PRRT3: variants seen among roughly 807,000 people sequenced by gnomAD.
PRRT3 encodes proline-rich transmembrane protein 3.
PRRT3 carries 48 observed loss-of-function variants against 56.6 expected under a neutral mutation model. That is an observed-to-expected ratio of 0.85 (90% CI 0.67 to 1.08). The LOEUF (loss-of-function observed/expected upper bound fraction) is 1.08. Among genes scored for constraint, PRRT3 ranks in the 50% least tolerant of loss-of-function variants. The pLI, the probability that PRRT3 is intolerant of heterozygous loss-of-function variation, is 0.00. For missense variants in PRRT3, 1,370 were observed against 1,353.1 expected (o/e 1.01, Z -0.20); for synonymous variants, 641 against 619.1 (o/e 1.04, Z -0.52).
At position 9,947,618 on chromosome 3, in the gene PRRT3, C is replaced by T. The variant is rs1056153244; in HGVS notation, c.1555G>A (p.Ala519Thr). 27 of 1,585,732 alleles carry T rather than the reference C, an allele frequency of 1.7e-5. No individual in the cohort carries two copies. The highest frequency in any genetic ancestry group is 2.2e-5 in the Non-Finnish European group (26 of 1,165,780). Reference protein sequence around the residue: ...LVLVASALRSAYMLTDPYGSQ... With the variant: ...LVLVASALRSTYMLTDPYGSQ... ...CCGTAAGGGTCGGTAAGCATGTAGG[C>T]GGATCGCAGCGCCGAAGCCACGAGC... The change falls in exon 4 of 4, where the codon GCC becomes ACC. Residue 519 changes from alanine to threonine, a missense_variant. Coordinates refer to ENST00000412055, the MANE Select transcript of PRRT3 (RefSeq NM_207351.5). The surrounding 1 kb of genome is among the most constrained non-coding windows in gnomAD (Gnocchi z 9.2).
At position 9,950,100 on chromosome 3, in the gene PRRT3, A is replaced by G. The variant is rs955716388; in HGVS notation, c.16T>C (p.Trp6Arg). ...AGCAGAAGGCCACATACACAGCCCC[A>G]TGGGCTGGAGGCCATGGTCTACTCC... The part of the protein sequence containing the change: MASSP[W>R]GCVCGLLLLL... The change falls in exon 2 of 4, where the codon TGG (tryptophan) becomes CGG (arginine). Residue 6 changes from tryptophan to arginine, a missense_variant. Trp to Arg is a moderately radical substitution (Grantham distance 101). Coordinates refer to ENST00000412055, the MANE Select transcript of PRRT3 (RefSeq NM_207351.5). 2 of 1,488,716 alleles carry G rather than the reference A, an allele frequency of 1.3e-6. No individual in the cohort carries two copies. Among genetic ancestry groups the G allele is most frequent in the Non-Finnish European group, 1.8e-6 (2 of 1,120,450 alleles). 92.2% of individuals were successfully genotyped at this position (1,488,716 alleles called of 1,614,324 possible). A position where few individuals can be genotyped will look rare whatever the true frequency, so the allele number is the denominator to read the frequency against.
rs1056951124 is a variant in PRRT3 at position 9,946,029 on chromosome 3, G to A, written c.*198C>T. 1.2e-5 allele frequency: 9 copies of A among 759,394 alleles called. No homozygotes were observed. The East Asian group carries it at 2.5e-4, about 21-fold the overall frequency. 47.0% of individuals were successfully genotyped at this position (759,394 alleles called of 1,614,324 possible). A position where few individuals can be genotyped will look rare whatever the true frequency, so the allele number is the denominator to read the frequency against. ...TATTTTTAGTAGAGACGAGGGTTTCGCTATGTTCGAGACCAGGAGGCTGAT... is the reference window on the plus strand; with the variant it reads ...TATTTTTAGTAGAGACGAGGGTTTCACTATGTTCGAGACCAGGAGGCTGAT... On this transcript the variant is annotated 3_prime_UTR_variant, in exon 4 of 4. Transcript: ENST00000412055. The surrounding 1 kb of genome is among the most constrained non-coding windows in gnomAD (Gnocchi z 4.1).
chr3:9,951,535 C>T (rs1459673981), intron 1 of PRRT3, among the ~76,000 whole-genome samples: 1 of 152,218 alleles, frequency 6.6e-6, no homozygotes, highest in East Asian at 1.9e-4. Flanking sequence ...CTTGTTAGTT[C>T]ATTTCTCAAA....
chr3:9,946,192 C>T lies in PRRT3; in HGVS notation c.*35G>A, dbSNP rs773620243. The T allele has an allele frequency of 2.0e-5, 32 of 1,586,738 alleles. No homozygotes were observed. Among genetic ancestry groups the T allele is most frequent in the Non-Finnish European group, 2.7e-5 (31 of 1,165,904 alleles). Reference sequence around the variant, plus strand: ...CCAGTAGGCCATGCCATGTGGGCATCGGGCAGGGTCCTGGCCCTGCGTCAG... The same window carrying T: ...CCAGTAGGCCATGCCATGTGGGCATTGGGCAGGGTCCTGGCCCTGCGTCAG... On this transcript the variant is annotated 3_prime_UTR_variant, in exon 4 of 4. Coordinates refer to ENST00000412055, the MANE Select transcript of PRRT3 (RefSeq NM_207351.5). This position sits in a 1 kb window ranked among gnomAD's most constrained non-coding sequence, Gnocchi z 4.1.
rs2085537613 is a variant in PRRT3, at chr3:9,947,057, G to A, written c.2116C>T (p.Pro706Ser). Residue 706 changes from proline (P) to serine (S), a missense_variant, in exon 4 of 4, where the codon CCC becomes TCC. Pro to Ser is a moderately conservative substitution (Grantham distance 74). Transcript: ENST00000412055. The surrounding 1 kb of genome is among the most constrained non-coding windows in gnomAD (Gnocchi z 9.2). ...AAVAAARPRP[P>S]TEHACWAKLM... ...TTAGCCCAGCAAGCGTGCTCCGTGG[G>A]CGGCCTGGGTCTCGCGGCAGCCACC... 2.6e-6 allele frequency: 4 copies of A among 1,534,612 alleles called. No individual in the cohort carries two copies. The South Asian group carries it at 3.6e-5, about 14-fold the overall frequency.
In PRRT3 at chr3:9,946,498, G is replaced by T. The variant is rs1206327785; in HGVS notation, c.2675C>A (p.Pro892His). Residue 892 changes from proline to histidine, a missense_variant, in exon 4 of 4, where the codon CCC becomes CAC. Coordinates refer to ENST00000412055, the MANE Select transcript of PRRT3 (RefSeq NM_207351.5). This position sits in a 1 kb window ranked among gnomAD's most constrained non-coding sequence, Gnocchi z 4.1. ...GPVPQHVVEAPDGAAAAASGS... is the reference protein window; with the variant it reads ...GPVPQHVVEAHDGAAAAASGS... ...AGAAGCCGCAGCGGCTGCCCCGTCG[G>T]GTGCTTCCACTACGTGCTGTGGGAC... 1.9e-6 allele frequency: 3 copies of T among 1,539,668 alleles called. No individual in the cohort carries two copies. In the East Asian group the frequency reaches 7.5e-5, roughly 38 times the overall value.
chr3:9,947,570 G>A lies in PRRT3; in HGVS notation c.1603C>T (p.Arg535Cys), dbSNP rs751692855. Reference sequence around the variant, plus strand: ...AGGTTGTAGAGCACCAGGCCCCCGCGAACGCCCAGCCGCGCCTGCGAGCCG... The same window carrying A: ...AGGTTGTAGAGCACCAGGCCCCCGCAAACGCCCAGCCGCGCCTGCGAGCCG... ...PYGSQARLGV[R>C]GGLVLYNLPF... Residue 535 changes from arginine (R) to cysteine (C), a missense_variant, in exon 4 of 4, where the codon CGC (arginine) becomes TGC (cysteine). Transcript: ENST00000412055. The surrounding 1 kb of genome is among the most constrained non-coding windows in gnomAD (Gnocchi z 9.2). 1.9e-6 allele frequency: 3 copies of A among 1,603,070 alleles called. No homozygotes were observed. Among genetic ancestry groups the A allele is most frequent in the Admixed American group, 1.7e-5 (1 of 58,542 alleles).
Position 9,947,224 on chromosome 3 carries a change from G to C in PRRT3, c.1949C>G (p.Ala650Gly). The C allele has an allele frequency of 6.6e-7, 1 of 1,506,418 alleles. No homozygotes were observed. Among genetic ancestry groups the C allele is most frequent in the Admixed American group, 2.1e-5 (1 of 47,096 alleles). 93.3% of individuals were successfully genotyped at this position (1,506,418 alleles called of 1,614,324 possible). Residue 650 changes from alanine (A) to glycine (G), a missense_variant, in exon 4 of 4, where the codon GCT becomes GGT. Transcript: ENST00000412055. The surrounding 1 kb of genome is among the most constrained non-coding windows in gnomAD (Gnocchi z 9.2). Reference protein sequence around the residue: ...LAVAGALGLLASGLQLAAALW... With the variant: ...LAVAGALGLLGSGLQLAAALW... Reference sequence around the variant, plus strand: ...CGCAGCCGCCAGCTGCAAGCCGCTAGCCAGCAGCCCCAGCGCGCCCGCCAC... The same window carrying C: ...CGCAGCCGCCAGCTGCAAGCCGCTACCCAGCAGCCCCAGCGCGCCCGCCAC...
rs866131468 is a variant in PRRT3 at position 9,946,760 on chromosome 3, G to A, written c.2413C>T (p.Arg805Trp). ...CTCAGGTTGATGGGCGATGGCGGCC[G>A]CAGATCCAGCTCGCTCAGCGATGGC... ...PAPSLSELDL[R>W]PPSPINLSRS... Residue 805 changes from arginine (R) to tryptophan (W), a missense_variant, in exon 4 of 4, where the codon CGG becomes TGG. Transcript: ENST00000412055. This position sits in a 1 kb window ranked among gnomAD's most constrained non-coding sequence, Gnocchi z 4.1. The A allele has an allele frequency of 3.3e-6, 5 of 1,535,536 alleles. No individual in the cohort carries two copies. The highest frequency in any genetic ancestry group is 4.3e-6 in the Non-Finnish European group (5 of 1,150,066).
intron 1 of PRRT3, among the ~76,000 whole-genome samples, chr3:9,950,863 T>C (rs1048779986): frequency 2.0e-5 from 3 of 152,180 alleles, no homozygotes; most frequent in African/African-American, 4.8e-5. Flanking sequence ...GAGAGGAATA[T>C]GCACCGGCCT....
chr3:9,949,276 A>T lies in PRRT3; in HGVS notation c.840T>A (p.Pro280=). 6.2e-7 allele frequency: 1 copy of T among 1,607,442 alleles called. No individual in the cohort carries two copies. The highest frequency in any genetic ancestry group is 8.5e-7 in the Non-Finnish European group (1 of 1,175,610). ...PDLALARSLP[P]AEELPVETPK... is the part of the protein sequence containing the mutation. Reference sequence around the variant, plus strand: ...GGGTCTCAACCGGCAGCTCCTCAGCAGGAGGAAGGCTTCTGGCCAATGCCA... The same window carrying T: ...GGGTCTCAACCGGCAGCTCCTCAGCTGGAGGAAGGCTTCTGGCCAATGCCA... Residue 280 remains proline, a synonymous_variant, in exon 2 of 4, where the codon CCT becomes CCA. Transcript: ENST00000412055. This position sits in a 1 kb window ranked among gnomAD's most constrained non-coding sequence, Gnocchi z 4.5.
In PRRT3 at chr3:9,946,350, C is replaced by G; in HGVS notation, c.2823G>C (p.Leu941=). 1 of 1,611,668 alleles carries G rather than the reference C, an allele frequency of 6.2e-7. No homozygotes were observed. Among genetic ancestry groups the G allele is most frequent in the Non-Finnish European group, 8.5e-7 (1 of 1,179,230 alleles). Residue 941 remains leucine (L), a synonymous_variant, in exon 4 of 4, where the codon CTG becomes CTC. Transcript: ENST00000412055. The surrounding 1 kb of genome is among the most constrained non-coding windows in gnomAD (Gnocchi z 4.1). ...AATCAGGGGCTGGGGTCGGGGCAGG[C>G]AGTAGCTGTACCGTGCTGGGCAACT... ...LDELPSTVQL[L]PAPTPAPDST...
rs1487291453 is a variant in PRRT3 at position 9,946,538 on chromosome 3, G to C, written c.2635C>G (p.Arg879Gly). 2 of 1,459,670 alleles carry C rather than the reference G, an allele frequency of 1.4e-6. No homozygotes were observed. Among genetic ancestry groups the C allele is most frequent in the African/African-American group, 2.9e-5 (2 of 68,182 alleles). The allele number at this position is 1,459,670 out of a possible 1,614,324, so 90.4% of individuals were successfully genotyped here. A position where few individuals can be genotyped will look rare whatever the true frequency, so the allele number is the denominator to read the frequency against. ...RGRCRSLSDV[R>G]VRGPVPQHVV... Reference sequence around the variant, plus strand: ...TGCTGTGGGACCGGCCCGCGCACGCGCACGTCGCTGAGCGACCTGCAGCGG... The same window carrying C: ...TGCTGTGGGACCGGCCCGCGCACGCCCACGTCGCTGAGCGACCTGCAGCGG... Residue 879 changes from arginine to glycine, a missense_variant, in exon 4 of 4, where the codon CGC (arginine) becomes GGC (glycine). By Grantham distance (125) the Arg-to-Gly change is moderately radical. Transcript: ENST00000412055. The surrounding 1 kb of genome is among the most constrained non-coding windows in gnomAD (Gnocchi z 4.1).
chr3:9,951,909 A>G (rs555546242), intron 1 of PRRT3, among the ~76,000 whole-genome samples: 1 of 152,304 alleles, frequency 6.6e-6, no homozygotes, highest in Non-Finnish European at 1.5e-5. Flanking sequence ...TGCCGAGAAA[A>G]CGGCTGAATG....
At position 9,948,014 on chromosome 3, in the gene PRRT3, C is replaced by T. The variant is rs2085559633; in HGVS notation, c.1172-13G>A. 13 of 1,314,516 alleles carry T rather than the reference C, an allele frequency of 9.9e-6. No homozygotes were observed. Among genetic ancestry groups the T allele is most frequent in the Non-Finnish European group, 1.2e-5 (12 of 1,034,338 alleles). 81.4% of individuals were successfully genotyped at this position (1,314,516 alleles called of 1,614,324 possible). A position where few individuals can be genotyped will look rare whatever the true frequency, so the allele number is the denominator to read the frequency against. On this transcript the variant is annotated splice_polypyrimidine_tract_variant and intron_variant, in intron 3 of 3. Coordinates refer to ENST00000412055, the MANE Select transcript of PRRT3 (RefSeq NM_207351.5). ...TCCTCGGCTTCATCTGCAATTATAA[C>T]AATATTAAAATAGCCATTTGAAAAG... is the stretch of plus-strand genomic sequence containing the variant.
chr3:9,947,002 G>A lies in PRRT3; in HGVS notation c.2171C>T (p.Ser724Leu), dbSNP rs1196547304. The change falls in exon 4 of 4, where the codon TCA becomes TTA. Residue 724 changes from serine to leucine, a missense_variant. Physicochemically the swap from Ser to Leu is moderately radical, Grantham distance 145. Coordinates refer to ENST00000412055, the MANE Select transcript of PRRT3 (RefSeq NM_207351.5). This position sits in a 1 kb window ranked among gnomAD's most constrained non-coding sequence, Gnocchi z 9.2. ...TCGCTCCGGCACCTCGCTCTTTCCT[G>A]ACGGCGCCGGGCACGCCAGACGCAT... is the stretch of plus-strand genomic sequence containing the variant. ...KLMRLACPAP[S>L]GKSEVPERPN... The A allele has an allele frequency of 3.2e-6, 5 of 1,542,116 alleles. No homozygotes were observed. Among genetic ancestry groups the A allele is most frequent in the Non-Finnish European group, 4.4e-6 (5 of 1,148,720 alleles).
rs758583342 is a variant in PRRT3 at position 9,949,967 on chromosome 3, G to C, written c.149C>G (p.Ser50Cys). The change falls in exon 2 of 4, where the codon TCT becomes TGT. Residue 50 changes from serine (S) to cysteine (C), a missense_variant. Coordinates refer to ENST00000412055, the MANE Select transcript of PRRT3 (RefSeq NM_207351.5). This position sits in a 1 kb window ranked among gnomAD's most constrained non-coding sequence, Gnocchi z 4.5. The stretch of plus-strand genomic sequence containing the variant: ...AAAGGCCTGGGGCTCTGAGCCCACA[G>C]AGCCCTTGGGGTGGGCTCCAGGGAT... ...PMIPGAHPKG[S>C]VGSEPQAFDV... 8.3e-6 allele frequency: 13 copies of C among 1,571,568 alleles called. No homozygotes were observed. Among genetic ancestry groups the C allele is most frequent in the Admixed American group, 1.9e-5 (1 of 51,332 alleles).
Position 9,950,054 on chromosome 3 carries a change from C to T in PRRT3, c.62G>A (p.Gly21Glu). The part of the protein sequence containing the change: ...GLLLLLLPLL[G>E]TGPALGRGFP... ...GCCCCTCCCCAGGGCAGGGCCAGTC[C>T]CCAGGAGTGGCAGCAGCAACAGCAG... Residue 21 changes from glycine to glutamate, a missense_variant, in exon 2 of 4, where the codon GGG (glycine) becomes GAG (glutamate). Gly to Glu is a moderately conservative substitution (Grantham distance 98). Coordinates refer to ENST00000412055, the MANE Select transcript of PRRT3 (RefSeq NM_207351.5). 1.3e-6 allele frequency: 2 copies of T among 1,512,388 alleles called. No individual in the cohort carries two copies. Among genetic ancestry groups the T allele is most frequent in the South Asian group, 1.4e-5 (1 of 71,996 alleles). The allele number at this position is 1,512,388 out of a possible 1,614,324, so 93.7% of individuals were successfully genotyped here.
chr3:9,948,887 G>A lies in PRRT3; in HGVS notation c.1042C>T (p.Pro348Ser), dbSNP rs1037823631. Residue 348 changes from proline to serine, a missense_variant, in exon 3 of 4, where the codon CCC becomes TCC. Transcript: ENST00000412055. ...CCTCTCACCCGCTGGGGGGAGATGGGGTCTGCTCCATTCATTGCTGCTCTC... is the reference window on the plus strand; with the variant it reads ...CCTCTCACCCGCTGGGGGGAGATGGAGTCTGCTCCATTCATTGCTGCTCTC... Reference protein sequence around the residue: ...PERAAMNGADPISPQRVRGAV... With the variant: ...PERAAMNGADSISPQRVRGAV... The A allele has an allele frequency of 4.4e-6, 7 of 1,598,092 alleles. No individual in the cohort carries two copies. The East Asian group carries it at 1.3e-4, about 31-fold the overall frequency.
Sources: gnomAD v4.1 joint callset for allele counts (sites outside exome capture counted in the v4.1 genomes callset) on GRCh38, gnomAD v4.1.1 for gene constraint, Gnocchi (gnomAD v3.1) non-coding constraint, MANE v1.5 for transcripts, NCBI Gene and HGNC (gene_info 2026-07-23, HGNC 2026-07-21) for gene names.